KCNK2: variants seen among roughly 807,000 people sequenced by gnomAD.
KCNK2 encodes potassium two pore domain channel subfamily K member 2, also known as potassium channel subfamily K member 2.
Under a neutral mutation model 40.5 loss-of-function variants are expected in KCNK2, and 21 were observed. The ratio of observed to expected loss-of-function variants is 0.52; its 90% confidence interval spans 0.37 to 0.75. The LOEUF is 0.75. Among genes scored for constraint, KCNK2 ranks in the 30% least tolerant of loss-of-function variants. The pLI is 0.00. For missense variants in KCNK2, 399 were observed against 531.6 expected, an observed-to-expected ratio of 0.75 and a Z score of 2.45; for synonymous variants, 191 against 202.2, an observed-to-expected ratio of 0.94 and a Z score of 0.47.
At position 215,087,843 on chromosome 1, in the gene KCNK2, G is replaced by A. The variant is rs1054757909; in HGVS notation, c.357+1165G>A. On this transcript the variant is annotated intron_variant, in intron 2 of 6. Transcript: ENST00000444842. ...CCATGGATCTCAAGATACTATCTCT[G>A]CCCTTCATAGTCCTCTCAATTTACA... Among the ~76,000 whole-genome samples, 4 of 152,060 alleles carry A rather than the reference G, an allele frequency of 2.6e-5. No homozygotes were observed. The East Asian group carries it at 5.8e-4, about 22-fold the overall frequency.
intron 1 of KCNK2, among the ~76,000 whole-genome samples, chr1:215,044,795 A>ATGTGTGTGTGTGTG (rs150179184): frequency 3.4e-5 from 5 of 145,644 alleles, no homozygotes; most frequent in Admixed American, 1.4e-4. Context: ...GGATAAGTGT[A>ATGTGTGTGTGTGTG]TGTGTGTGTG....
At chr1:215,049,811 C>T (rs963214219) in intron 1 of KCNK2, among the ~76,000 whole-genome samples, 1 of 152,036 alleles carries the variant, frequency 6.6e-6, no homozygotes, top group Non-Finnish European at 1.5e-5. Context: ...TTAGTTGGGG[C>T]TATTTGTGTG....
chr1:215,150,028 C>T (rs1404092434), intron 3 of KCNK2, among the ~76,000 whole-genome samples: 1 of 151,972 alleles, frequency 6.6e-6, no homozygotes, highest in Non-Finnish European at 1.5e-5. Context: ...CCTGACCTTA[C>T]GGAACTTCTG....
At chr1:215,153,841 T>C (rs1055460003) in intron 3 of KCNK2, among the ~76,000 whole-genome samples, 3 of 151,780 alleles carry the variant, frequency 2.0e-5, no homozygotes, top group African/African-American at 7.3e-5. Context: ...AGTGAGAACA[T>C]GTGTTTGGTT....
Position 215,014,321 on chromosome 1 carries a change from G to A in KCNK2, c.34+8366G>A, listed in dbSNP as rs551914947. Among the ~76,000 whole-genome samples, 7 of 151,930 alleles carry A rather than the reference G, an allele frequency of 4.6e-5. No homozygotes were observed. The South Asian group carries it at 1.5e-3, about 31-fold the overall frequency. The stretch of plus-strand genomic sequence containing the variant: ...GTTGGATTAAATTTGCTAATATTTT[G>A]TTGAGAATTTTTACATATATGTACA... On this transcript the variant is annotated intron_variant, in intron 1 of 6. Transcript: ENST00000391895.
In KCNK2 at chr1:215,082,846, G is replaced by A. The variant is rs989204544; in HGVS notation, c.-540G>A. Among the ~76,000 whole-genome samples the A allele has an allele frequency of 2.0e-5, 3 of 151,992 alleles. No homozygotes were observed. The highest frequency in any genetic ancestry group is 2.1e-4 in the South Asian group (1 of 4,832). Reference sequence around the variant, plus strand: ...CACACACCCCCCGCGGGGCACGGAGGGCATTGCGGGGGGAGACACACAAAG... The same window carrying A: ...CACACACCCCCCGCGGGGCACGGAGAGCATTGCGGGGGGAGACACACAAAG... On this transcript the variant is annotated 5_prime_UTR_variant, in exon 1 of 7. Coordinates refer to ENST00000444842, the MANE Select transcript of KCNK2 (RefSeq NM_001017425.3).
At chr1:215,202,658 T>G (rs1665129063) in intron 6 of KCNK2, among the ~76,000 whole-genome samples, 1 of 152,190 alleles carries the variant, frequency 6.6e-6, no homozygotes, top group South Asian at 2.1e-4. Flanking sequence ...AAATAGGACT[T>G]GAAGACGTTC....
At chr1:215,173,181 C>G (rs1663798659) in intron 5 of KCNK2, among the ~76,000 whole-genome samples, 2 of 152,076 alleles carry the variant, frequency 1.3e-5, no homozygotes, top group Non-Finnish European at 2.9e-5. Context: ...CAGGTTTTCT[C>G]ATTGTTCAAT....
In KCNK2 at chr1:215,083,194, T is replaced by TTCCCCC; in HGVS notation, c.-192_-191insTCCCCC. The TTCCCCC allele has an allele frequency of 2.0e-6, 1 of 501,814 alleles. No individual in the cohort carries two copies. The highest frequency in any genetic ancestry group is 2.0e-5 in the South Asian group (1 of 49,324). 31.1% of individuals were successfully genotyped at this position (501,814 alleles called of 1,614,324 possible). ...CCCGCGATTTCGTTTCTTCTCACGCTCCCCCCCCCGCCCCCTCCCGCGTCC... is the reference window on the plus strand; with the variant it reads ...CCCGCGATTTCGTTTCTTCTCACGCTTCCCCCCCCCCCCCCGCCCCCTCCCGCGTCC... On this transcript the variant is annotated 5_prime_UTR_variant, in exon 1 of 7. Coordinates refer to ENST00000444842, the MANE Select transcript of KCNK2 (RefSeq NM_001017425.3).
intron 6 of KCNK2, among the ~76,000 whole-genome samples, chr1:215,210,158 ATAGT>A (rs1209676076): frequency 6.2e-4 from 90 of 146,048 alleles, no homozygotes; most frequent in South Asian, 8.4e-4. Context: ...CATATAGTAT[ATAGT>A]GTGTGTATGT....
At chr1:215,131,489 AAATT>A (rs1443983917) in intron 3 of KCNK2, among the ~76,000 whole-genome samples, 1 of 147,372 alleles carries the variant, frequency 6.8e-6, no homozygotes, top group Non-Finnish European at 1.5e-5. Context: ...TAATGTATGC[AAATT>A]ATTAATATAT....
intron 3 of KCNK2, among the ~76,000 whole-genome samples, chr1:215,135,789 C>G (rs549260861): frequency 4.0e-4 from 61 of 152,246 alleles, no homozygotes; most frequent in South Asian, 3.9e-3. Context: ...GGCTGGAGCA[C>G]AGTGGCGTGA....
intron 5 of KCNK2, among the ~76,000 whole-genome samples, chr1:215,182,320 G>C (rs956909316): frequency 6.6e-6 from 1 of 152,140 alleles, no homozygotes; most frequent in Non-Finnish European, 1.5e-5. Flanking sequence ...CTCTGCCTAG[G>C]GTTGGAGTGG....
chr1:215,038,561 G>T (rs149570692), intron 1 of KCNK2, among the ~76,000 whole-genome samples: 3,120 of 152,134 alleles, frequency 0.021, 56 homozygotes, highest in Non-Finnish European at 0.03. Flanking sequence ...TTGAAGACAA[G>T]CTCTGGAGTC....
intron 3 of KCNK2, among the ~76,000 whole-genome samples, chr1:215,153,666 G>C (rs765180752): frequency 2.6e-5 from 4 of 151,368 alleles, no homozygotes; most frequent in Non-Finnish European, 5.9e-5. Context: ...TGTGCAGAAC[G>C]TGCAGGTTCG....
Position 215,114,994 on chromosome 1 carries a change from GGTGTGTGT to G in KCNK2, c.358-9612_358-9605del, listed in dbSNP as rs59948899. On this transcript the variant is annotated intron_variant, in intron 2 of 6. Transcript: ENST00000444842. The stretch of plus-strand genomic sequence containing the variant: ...ATTGTGTTAACTGGTTACTTTGTCA[GGTGTGTGT>G]GTGTGTGTGTGTGTGTGTGTGTGTG... 2.7e-3 allele frequency among the ~76,000 whole-genome samples: 397 copies of G among 147,294 alleles called. 2 individuals carry two copies. The highest frequency in any genetic ancestry group is 0.011 in the South Asian group (52 of 4,710).
intron 2 of KCNK2, among the ~76,000 whole-genome samples, chr1:215,109,672 G>A (rs1276523640): frequency 6.6e-6 from 1 of 151,970 alleles, no homozygotes; most frequent in Non-Finnish European, 1.5e-5. Context: ...AAATTGTGCT[G>A]CAATAAACAT....
At chr1:215,209,305 A>G (rs1328908796) in intron 6 of KCNK2, among the ~76,000 whole-genome samples, 1 of 83,240 alleles carries the variant, frequency 1.2e-5, no homozygotes, top group Non-Finnish European at 2.2e-5. Flanking sequence ...AATATATATT[A>G]TATATATGAA....
At chr1:215,047,401 G>A (rs957027302) in intron 1 of KCNK2, among the ~76,000 whole-genome samples, 2 of 152,030 alleles carry the variant, frequency 1.3e-5, no homozygotes, top group African/African-American at 2.4e-5. Flanking sequence ...TTAGAGTTGA[G>A]GCATAGTAAG....
Sources: gnomAD v4.1 joint callset for allele counts (sites outside exome capture counted in the v4.1 genomes callset) on GRCh38, gnomAD v4.1.1 for gene constraint, MANE v1.5 for transcripts, NCBI Gene and HGNC (gene_info 2026-07-23, HGNC 2026-07-21) for gene names.